PYHIN1: variants seen among roughly 807,000 people sequenced by gnomAD.
The protein encoded by PYHIN1 is pyrin and HIN domain-containing protein 1.
Under a neutral mutation model 43.7 loss-of-function variants are expected in PYHIN1, and 32 were observed. The observed-to-expected ratio is 0.73, with a 90% CI of 0.55 to 0.98. PYHIN1 has a LOEUF of 0.98. PYHIN1 is among the 50% of genes least tolerant of loss of function. The pLI, the probability that PYHIN1 is intolerant of heterozygous loss-of-function variation, is 0.00. For missense variants in PYHIN1, 588 were observed against 589.5 expected (o/e 1.00, Z 0.03); for synonymous variants, 205 against 203.1 (o/e 1.01, Z -0.08).
intron 1 of PYHIN1, among the ~76,000 whole-genome samples, chr1:158,935,423 G>C (rs1648471896): frequency 6.6e-6 from 1 of 152,122 alleles, no homozygotes; most frequent in Non-Finnish European, 1.5e-5. Flanking sequence ...GTGGTTTATA[G>C]AGAGAAATGT....
intron 7 of PYHIN1, among the ~76,000 whole-genome samples, chr1:158,973,025 T>A (rs751164189): frequency 1.2e-4 from 19 of 152,084 alleles, no homozygotes; most frequent in Non-Finnish European, 2.2e-4. Context: ...TGTAGTCACC[T>A]GCCTCTGTGC....
intron 7 of PYHIN1, among the ~76,000 whole-genome samples, chr1:158,947,564 T>C (rs1189929745): frequency 6.6e-6 from 1 of 152,244 alleles, no homozygotes; most frequent in African/African-American, 2.4e-5. Flanking sequence ...CTGTGGGGGT[T>C]TGTCCTGCAG....
intron 7 of PYHIN1, among the ~76,000 whole-genome samples, chr1:158,968,183 T>C (rs933684619): frequency 5.1e-4 from 77 of 151,420 alleles, no homozygotes; most frequent in African/African-American, 1.8e-3. Flanking sequence ...AAAAAAAAAT[T>C]GCAAACTTTG....
chr1:158,988,282 T>C, the PYHIN1 span, among the ~76,000 whole-genome samples: 3 of 152,160 alleles, frequency 2.0e-5, no homozygotes, highest in East Asian at 5.8e-4. Flanking sequence ...AATTGGAAAA[T>C]TGGTATCAGC....
intron 2 of PYHIN1, among the ~76,000 whole-genome samples, chr1:158,937,979 C>G (rs867691544): frequency 6.6e-6 from 1 of 151,792 alleles, no homozygotes; most frequent in Admixed American, 6.6e-5. Flanking sequence ...TCAAAACTCA[C>G]CATATCTCAC....
intron 7 of PYHIN1, among the ~76,000 whole-genome samples, chr1:158,951,851 T>C (rs1205225598): frequency 1.3e-5 from 2 of 152,188 alleles, no homozygotes; most frequent in Admixed American, 6.5e-5. Flanking sequence ...AGGTTACCGT[T>C]TTACTTAAAT....
chr1:158,953,177 G>T (rs1037056021), intron 7 of PYHIN1, among the ~76,000 whole-genome samples: 8 of 125,700 alleles, frequency 6.4e-5, no homozygotes, highest in South Asian at 3.1e-4. Context: ...GCTGGGGGAG[G>T]GGCGCCCGCC....
In PYHIN1 at chr1:158,945,136, T is replaced by A. The variant is rs924112959; in HGVS notation, c.1359+94T>A. ...AAGAGTTTCTCTTCTAATCCCTAAC[T>A]GTGTACAATCTCTAGATAAAATTAA... On this transcript the variant is annotated intron_variant, in intron 7 of 8. Transcript: ENST00000368140. 5 of 1,260,150 alleles carry A rather than the reference T, an allele frequency of 4.0e-6. No homozygotes were observed. In the African/African-American group the frequency reaches 7.5e-5, roughly 19 times the overall value. 78.1% of individuals were successfully genotyped at this position (1,260,150 alleles called of 1,614,324 possible). A position where few individuals can be genotyped will look rare whatever the true frequency, so the allele number is the denominator to read the frequency against.
At position 158,936,487 on chromosome 1, in the gene PYHIN1, G is replaced by C. The variant is rs765964958; in HGVS notation, c.-20-404G>C. On this transcript the variant is annotated intron_variant, in intron 1 of 8. Coordinates refer to ENST00000368140, the MANE Select transcript of PYHIN1 (RefSeq NM_152501.5). The stretch of plus-strand genomic sequence containing the variant: ...ACCAAATCCAGCAACACATCAAAAA[G>C]CTTATCCACCATGATCAAGTGGGCT... Among the ~76,000 whole-genome samples, 122 of 151,972 alleles carry C rather than the reference G, an allele frequency of 8.0e-4. 5 individuals are homozygous for C. The highest frequency in any genetic ancestry group is 1.5e-4 in the Non-Finnish European group (10 of 68,000).
rs571644557 is a variant in PYHIN1, at chr1:158,933,138, T to C, written c.-21+1362T>C. On this transcript the variant is annotated intron_variant, in intron 1 of 8. Transcript: ENST00000368140. This position sits in a 1 kb window ranked among gnomAD's most constrained non-coding sequence, Gnocchi z 6.3. ...TGTACTCCTCTCAAATTCATATATA[T>C]AATATATAGATATGCTCACATGCAT... is the stretch of plus-strand genomic sequence containing the variant. 2.0e-5 allele frequency among the ~76,000 whole-genome samples: 3 copies of C among 151,964 alleles called. No individual in the cohort carries two copies. Among genetic ancestry groups the C allele is most frequent in the African/African-American group, 7.2e-5 (3 of 41,548 alleles).
the PYHIN1 span, among the ~76,000 whole-genome samples, chr1:158,983,477 C>T: frequency 6.6e-6 from 1 of 152,014 alleles, no homozygotes; most frequent in African/African-American, 2.4e-5. Flanking sequence ...CTTTGCATTC[C>T]AGGGGTAAAG....
At chr1:158,959,851 G>A (rs909109016) in intron 7 of PYHIN1, among the ~76,000 whole-genome samples, 1 of 152,238 alleles carries the variant, frequency 6.6e-6, no homozygotes, top group Non-Finnish European at 1.5e-5. Context: ...GGAAAGGTCA[G>A]TTCATGCTAT....
rs1648309496 is a variant in PYHIN1, at chr1:158,933,661, TCAATTTATAA to T, written c.-21+1888_-21+1897del. Among the ~76,000 whole-genome samples, 1 of 152,074 alleles carries T rather than the reference TCAATTTATAA, an allele frequency of 6.6e-6. No homozygotes were observed. On this transcript the variant is annotated intron_variant, in intron 1 of 8. Coordinates refer to ENST00000368140, the MANE Select transcript of PYHIN1 (RefSeq NM_152501.5). This position sits in a 1 kb window ranked among gnomAD's most constrained non-coding sequence, Gnocchi z 6.3. Reference sequence around the variant, plus strand: ...TTGGCCTGCTTCTGCTATCTTCACTTCAATTTATAACACTTCTATATTCTCCTACTTGTCT... The same window carrying T: ...TTGGCCTGCTTCTGCTATCTTCACTTCACTTCTATATTCTCCTACTTGTCT...
In PYHIN1 at chr1:158,977,040, C is replaced by CAT. The variant is rs1651319267; in HGVS notation, c.*345_*346insAT. ...TTTTCATAATTTGAAAAAAAATAAA[C>CAT]TTTTTTTTCTTAAAGAGTGCTTCCA... On this transcript the variant is annotated 3_prime_UTR_variant, in exon 9 of 9. Transcript: ENST00000368140. 6.5e-6 allele frequency: 1 copy of CAT among 154,824 alleles called. No individual in the cohort carries two copies. Among genetic ancestry groups the CAT allele is most frequent in the Admixed American group, 6.5e-5 (1 of 15,278 alleles). 9.6% of individuals were successfully genotyped at this position (154,824 alleles called of 1,614,324 possible).
intron 7 of PYHIN1, among the ~76,000 whole-genome samples, chr1:158,946,605 T>A (rs556894331): frequency 1.3e-5 from 2 of 151,178 alleles, no homozygotes; most frequent in East Asian, 3.9e-4. Flanking sequence ...AACATAAAGC[T>A]GGATTTCCTA....
intron 5 of PYHIN1, 78 bp from the exon 6 acceptor site, chr1:158,943,712 A>T: frequency 9.5e-7 from 1 of 1,053,376 alleles, no homozygotes. Context: ...TCTTGTTTTT[A>T]ATCTGTCACA....
In PYHIN1 at chr1:158,938,714, C is replaced by T. The variant is rs945732247; in HGVS notation, c.411+172C>T. Among the ~76,000 whole-genome samples the T allele has an allele frequency of 7.9e-5, 12 of 152,160 alleles. No homozygotes were observed. The South Asian group carries it at 1.4e-3, about 18-fold the overall frequency. ...TCTTTCTGCAAGGCAACAAGTTAAA[C>T]GCTTTAGTAAACATAATGTAAATAT... On this transcript the variant is annotated intron_variant, in intron 3 of 8. Coordinates refer to ENST00000368140, the MANE Select transcript of PYHIN1 (RefSeq NM_152501.5).
chr1:158,985,959 C>T, the PYHIN1 span, among the ~76,000 whole-genome samples: 1 of 152,088 alleles, frequency 6.6e-6, no homozygotes, highest in Admixed American at 6.6e-5. Flanking sequence ...TTAGTACTTC[C>T]AATTATATTA....
At chr1:158,934,404 A>G (rs1378478925) in intron 1 of PYHIN1, among the ~76,000 whole-genome samples, 2 of 152,178 alleles carry the variant, frequency 1.3e-5, no homozygotes, top group Non-Finnish European at 2.9e-5. Context: ...ACTTTGGGCC[A>G]GCATTATATA....
Sources: allele counts gnomAD v4.1 joint callset (sites outside exome capture counted in the v4.1 genomes callset), GRCh38; gene constraint gnomAD v4.1.1; non-coding constraint Gnocchi (gnomAD v3.1); transcripts MANE v1.5; gene names NCBI Gene and HGNC (gene_info 2026-07-23, HGNC 2026-07-21).